STOML2: variants seen among roughly 807,000 people sequenced by gnomAD.
The protein encoded by STOML2 is stomatin like 2.
Under a neutral mutation model 45.7 loss-of-function variants are expected in STOML2, and 22 were observed. That is an observed-to-expected ratio of 0.48 (90% CI 0.34 to 0.69). The LOEUF is 0.69. Among genes scored for constraint, STOML2 ranks in the 30% least tolerant of loss-of-function variants. STOML2 has a pLI of 0.01. For missense variants in STOML2, 359 were observed against 466.9 expected, an observed-to-expected ratio of 0.77 and a Z score of 2.13; for synonymous variants, 181 against 182.7, an observed-to-expected ratio of 0.99 and a Z score of 0.08.
chr9:35,100,746 A>C lies in STOML2; in HGVS notation c.805-20T>G, dbSNP rs998444128. ...TCCATTCTGTGATCACAGGGGGATA[A>C]AAATCAGAGATCACCGATACGGAGA... On this transcript the variant is annotated intron_variant, in intron 8 of 9. Transcript: ENST00000356493. The C allele has an allele frequency of 3.6e-5, 58 of 1,614,028 alleles. No individual in the cohort carries two copies. The highest frequency in any genetic ancestry group is 4.9e-5 in the Non-Finnish European group (58 of 1,180,048).
chr9:35,103,174 C>T, upstream of STOML2: 1 of 1,552,798 alleles, frequency 6.4e-7, no homozygotes, highest in South Asian at 1.1e-5. Flanking sequence ...AGCCTTTCCT[C>T]TTGCAGTTCC....
chr9:35,100,634 G>A lies in STOML2; in HGVS notation c.897C>T (p.Pro299=). The A allele has an allele frequency of 6.2e-7, 1 of 1,614,114 alleles. No individual in the cohort carries two copies. Among genetic ancestry groups the A allele is most frequent in the African/African-American group, 1.3e-5 (1 of 75,034 alleles). ...TGCTGGTGACATCGCCAGGGTTGGA[G>A]GGCAGTAGGATAGTGTTGGAGTCCT... ...LAKDSNTILL[P]SNPGDVTSMV... is the part of the protein sequence containing the mutation. The change falls in exon 9 of 10, where the codon CCC becomes CCT. Residue 299 remains proline (P), a synonymous_variant. Coordinates refer to ENST00000356493, the MANE Select transcript of STOML2 (RefSeq NM_013442.3).
Position 35,101,037 on chromosome 9 carries a change from T to C in STOML2, c.725-26A>G. 1 of 1,613,008 alleles carries C rather than the reference T, an allele frequency of 6.2e-7. No homozygotes were observed. Reference sequence around the variant, plus strand: ...CTGCAAGAGAAGGGACAGAGCTTGCTTGACCCATGAAGTCAAAGTACCCCA... The same window carrying C: ...CTGCAAGAGAAGGGACAGAGCTTGCCTGACCCATGAAGTCAAAGTACCCCA... On this transcript the variant is annotated intron_variant, in intron 7 of 9. Transcript: ENST00000356493. The surrounding 1 kb of genome is among the most constrained non-coding windows in gnomAD (Gnocchi z 4.3).
Position 35,102,503 on chromosome 9 carries a change from T to G in STOML2, c.183+183A>C. ...GGGAGATTCCCAAGAATGGGGCCTG[T>G]GAGATGCATAGGAAAAGGTGGTAAC... is the stretch of plus-strand genomic sequence containing the variant. On this transcript the variant is annotated intron_variant, in intron 2 of 9. Transcript: ENST00000356493. The surrounding 1 kb of genome is among the most constrained non-coding windows in gnomAD (Gnocchi z 4.8). 164 of 993,816 alleles carry G rather than the reference T, an allele frequency of 1.7e-4. No homozygotes were observed. Among genetic ancestry groups the G allele is most frequent in the Non-Finnish European group, 2.2e-4 (150 of 677,296 alleles). The allele number at this position is 993,816 out of a possible 1,614,324, so 61.6% of individuals were successfully genotyped here.
rs922436212 is a variant in STOML2 at position 35,099,908 on chromosome 9, G to A, written c.*127C>T. 3 of 1,168,684 alleles carry A rather than the reference G, an allele frequency of 2.6e-6. No homozygotes were observed. The highest frequency in any genetic ancestry group is 1.5e-5 in the African/African-American group (1 of 65,576). 72.4% of individuals were successfully genotyped at this position (1,168,684 alleles called of 1,614,324 possible). A position where few individuals can be genotyped will look rare whatever the true frequency, so the allele number is the denominator to read the frequency against. On this transcript the variant is annotated 3_prime_UTR_variant, in exon 10 of 10. Coordinates refer to ENST00000356493, the MANE Select transcript of STOML2 (RefSeq NM_013442.3). ...GAGGACAGTTTCTGGTTTGCCACTG[G>A]TGAGTTTATTACACGACTAAAGTTC...
Position 35,099,849 on chromosome 9 carries a change from C to T in STOML2, c.*186G>A. Reference sequence around the variant, plus strand: ...GACAGGACTGGATCCAAGGAAAATGCTAGTGACTTTCCCAACTTCATTCCC... The same window carrying T: ...GACAGGACTGGATCCAAGGAAAATGTTAGTGACTTTCCCAACTTCATTCCC... On this transcript the variant is annotated 3_prime_UTR_variant, in exon 10 of 10. Transcript: ENST00000356493. 4.8e-6 allele frequency: 3 copies of T among 630,288 alleles called. No individual in the cohort carries two copies. In the South Asian group the frequency reaches 6.2e-5, roughly 13 times the overall value. The allele number at this position is 630,288 out of a possible 1,614,324, so 39.0% of individuals were successfully genotyped here. A position where few individuals can be genotyped will look rare whatever the true frequency, so the allele number is the denominator to read the frequency against.
Position 35,102,926 on chromosome 9 carries a change from G to T in STOML2, c.46-103C>A. On this transcript the variant is annotated intron_variant, in intron 1 of 9. Coordinates refer to ENST00000356493, the MANE Select transcript of STOML2 (RefSeq NM_013442.3). The surrounding 1 kb of genome is among the most constrained non-coding windows in gnomAD (Gnocchi z 4.8). The stretch of plus-strand genomic sequence containing the variant: ...AACCACGACCCTCAGGATCCTCGGA[G>T]AATCACATGGGGACCATGACCTCTG... The T allele has an allele frequency of 6.4e-7, 1 of 1,573,482 alleles. No individual in the cohort carries two copies. The highest frequency in any genetic ancestry group is 2.3e-5 in the East Asian group (1 of 44,344).
In STOML2 at chr9:35,100,146, G is replaced by A; in HGVS notation, c.960C>T (p.Thr320=). The A allele has an allele frequency of 6.2e-7, 1 of 1,614,108 alleles. No individual in the cohort carries two copies. The highest frequency in any genetic ancestry group is 8.5e-7 in the Non-Finnish European group (1 of 1,180,014). The part of the protein sequence containing the change: ...AQAMGVYGAL[T]KAPVPGTPDS... ...CTGGAGTCCCTGGCACTGGGGCTTT[G>A]GTGAGGGCTCCATATACACCCATGG... is the stretch of plus-strand genomic sequence containing the variant. Residue 320 remains threonine, a synonymous_variant, in exon 10 of 10, where the codon ACC becomes ACT. Transcript: ENST00000356493.
In STOML2 at chr9:35,101,870, A is replaced by G. The variant is rs1829825420; in HGVS notation, c.342+34T>C. The G allele has an allele frequency of 6.2e-7, 1 of 1,614,026 alleles. No homozygotes were observed. Among genetic ancestry groups the G allele is most frequent in the Admixed American group, 1.7e-5 (1 of 60,004 alleles). On this transcript the variant is annotated intron_variant, in intron 4 of 9. Coordinates refer to ENST00000356493, the MANE Select transcript of STOML2 (RefSeq NM_013442.3). The surrounding 1 kb of genome is among the most constrained non-coding windows in gnomAD (Gnocchi z 4.3). ...GCACAAGATTTTAGTGAAGAGGGCAACTCAAAAGGCTGGATAAAGTAGGGG... is the reference window on the plus strand; with the variant it reads ...GCACAAGATTTTAGTGAAGAGGGCAGCTCAAAAGGCTGGATAAAGTAGGGG...
At position 35,099,986 on chromosome 9, in the gene STOML2, G is replaced by A. The variant is rs779424714; in HGVS notation, c.*49C>T. On this transcript the variant is annotated 3_prime_UTR_variant, in exon 10 of 10. Transcript: ENST00000356493. ...GGCAGGGAAGCTAGAGCCAGAATCA[G>A]GAAAATCTGCTTCCTTGTTCCCAGA... 3 of 1,582,548 alleles carry A rather than the reference G, an allele frequency of 1.9e-6. No individual in the cohort carries two copies. In the East Asian group the frequency reaches 6.8e-5, roughly 36 times the overall value.
intron 9 of STOML2, 62 bp downstream of exon 9, chr9:35,100,536 G>C: frequency 1.2e-6 from 2 of 1,605,686 alleles, no homozygotes; most frequent in Non-Finnish European, 1.7e-6. Flanking sequence ...GATGACGGTG[G>C]TGGGGTCTCA....
At position 35,100,684 on chromosome 9, in the gene STOML2, C is replaced by T. The variant is rs36064663; in HGVS notation, c.847G>A (p.Val283Ile). The T allele has an allele frequency of 1.7e-3, 2,683 of 1,614,130 alleles. 32 individuals are homozygous for T. Among genetic ancestry groups the T allele is most frequent in the South Asian group, 0.014 (1,266 of 91,082 alleles). Residue 283 changes from valine to isoleucine, a missense_variant, in exon 9 of 10, where the codon GTC (valine) becomes ATC (isoleucine). Physicochemically the swap from Val to Ile is conservative, Grantham distance 29 (BLOSUM62 3). Coordinates refer to ENST00000356493, the MANE Select transcript of STOML2 (RefSeq NM_013442.3). ...TTGGCCAGTTTGGAGAACGCGCTGA[C>T]ATACTGCTCGGCCACAGTCAGTGAA... ...AASLTVAEQY[V>I]SAFSKLAKDS...
In STOML2 at chr9:35,101,919, G is replaced by A; in HGVS notation, c.327C>T (p.Ile109=). 6.2e-7 allele frequency: 1 copy of A among 1,614,202 alleles called. No individual in the cohort carries two copies. The highest frequency in any genetic ancestry group is 8.5e-7 in the Non-Finnish European group (1 of 1,180,040). Residue 109 remains isoleucine (I), a synonymous_variant, in exon 4 of 10, where the codon ATC becomes ATT. Transcript: ENST00000356493. This position sits in a 1 kb window ranked among gnomAD's most constrained non-coding sequence, Gnocchi z 4.3. ...LQIDGVLYLR[I]MDPYKASYGV... is the part of the protein sequence containing the mutation. ...GGACAGGTACCTTGTAAGGGTCCAT[G>A]ATGCGCAGGTAAAGGACTCCATCGA...
chr9:35,102,858 C>G lies in STOML2; in HGVS notation c.46-35G>C. The stretch of plus-strand genomic sequence containing the variant: ...AGAAGAGGGTGAGCAGAGATCCCAT[C>G]TGGCCAGACACGCCGCCCCTCGGTC... On this transcript the variant is annotated intron_variant, in intron 1 of 9. Transcript: ENST00000356493. The surrounding 1 kb of genome is among the most constrained non-coding windows in gnomAD (Gnocchi z 4.8). 6.2e-7 allele frequency: 1 copy of G among 1,607,904 alleles called. No homozygotes were observed.
Position 35,102,554 on chromosome 9 carries a change from G to A in STOML2, c.183+132C>T. ...ATGGGGATGATGGTCAGCAGCCTGG[G>A]CCCTGTCAGGTCTGGCCTACAGAGT... On this transcript the variant is annotated intron_variant, in intron 2 of 9. Coordinates refer to ENST00000356493, the MANE Select transcript of STOML2 (RefSeq NM_013442.3). The surrounding 1 kb of genome is among the most constrained non-coding windows in gnomAD (Gnocchi z 4.8). The A allele has an allele frequency of 1.4e-6, 2 of 1,421,650 alleles. No homozygotes were observed. The highest frequency in any genetic ancestry group is 1.9e-6 in the Non-Finnish European group (2 of 1,053,390). The allele number at this position is 1,421,650 out of a possible 1,614,324, so 88.1% of individuals were successfully genotyped here. A position where few individuals can be genotyped will look rare whatever the true frequency, so the allele number is the denominator to read the frequency against.
chr9:35,099,913 T>G lies in STOML2; in HGVS notation c.*122A>C. 1 of 1,282,328 alleles carries G rather than the reference T, an allele frequency of 7.8e-7. No individual in the cohort carries two copies. Among genetic ancestry groups the G allele is most frequent in the Non-Finnish European group, 1.1e-6 (1 of 928,988 alleles). The allele number at this position is 1,282,328 out of a possible 1,614,324, so 79.4% of individuals were successfully genotyped here. On this transcript the variant is annotated 3_prime_UTR_variant, in exon 10 of 10. Transcript: ENST00000356493. ...CAGTTTCTGGTTTGCCACTGGTGAG[T>G]TTATTACACGACTAAAGTTCAAATA... is the stretch of plus-strand genomic sequence containing the variant.
In STOML2 at chr9:35,101,800, A is replaced by G. The variant is rs754392992; in HGVS notation, c.354T>C (p.Gly118=). The part of the protein sequence containing the change: ...RIMDPYKASY[G]VEDPEYAVTQ... ...TGACGGCATACTCAGGGTCCTCCACACCGTAGCTTGCCTGAGATGGACACG... is the reference window on the plus strand; with the variant it reads ...TGACGGCATACTCAGGGTCCTCCACGCCGTAGCTTGCCTGAGATGGACACG... Residue 118 remains glycine (G), a synonymous_variant, in exon 5 of 10, where the codon GGT becomes GGC. Transcript: ENST00000356493. This position sits in a 1 kb window ranked among gnomAD's most constrained non-coding sequence, Gnocchi z 4.3. 1 of 1,614,140 alleles carries G rather than the reference A, an allele frequency of 6.2e-7. No individual in the cohort carries two copies. The highest frequency in any genetic ancestry group is 1.1e-5 in the South Asian group (1 of 91,090).
At chr9:35,103,151 A>G, upstream of STOML2, 1 of 1,602,274 alleles carries the variant, frequency 6.2e-7, no homozygotes, top group Non-Finnish European at 8.5e-7. Flanking sequence ...GGTCGCTCCC[A>G]GAAGCCTACC....
Position 35,102,985 on chromosome 9 carries a change from CT to C in STOML2, c.45+64del. On this transcript the variant is annotated intron_variant, in intron 1 of 9. Transcript: ENST00000356493. The surrounding 1 kb of genome is among the most constrained non-coding windows in gnomAD (Gnocchi z 4.8). ...CCTCTCCAAAAGTTGGAATTTCGCT[CT>C]TTTCCAGCGGAGAACCCAGGTAATC... is the stretch of plus-strand genomic sequence containing the variant. 2 of 1,603,366 alleles carry C rather than the reference CT, an allele frequency of 1.2e-6. No homozygotes were observed. Among genetic ancestry groups the C allele is most frequent in the Non-Finnish European group, 1.7e-6 (2 of 1,173,768 alleles).
Sources: gnomAD v4.1 joint callset for allele counts on GRCh38, gnomAD v4.1.1 for gene constraint, Gnocchi (gnomAD v3.1) non-coding constraint, MANE v1.5 for transcripts, NCBI Gene and HGNC (gene_info 2026-07-23, HGNC 2026-07-21) for gene names.